Variants in TRIM24 observed in about 807,000 individuals in gnomAD.
TRIM24 encodes the protein transcription intermediary factor 1-alpha.
In TRIM24, 29 loss-of-function variants were observed where a neutral mutation model predicts 123.9. The observed-to-expected ratio is 0.23, with a 90% confidence interval of 0.17 to 0.32. The LOEUF (loss-of-function observed/expected upper bound fraction) is 0.32. TRIM24 is among the 10% of genes least tolerant of loss of function. The pLI is 1.00. For synonymous variants in TRIM24, 456 were observed against 461.1 expected (o/e 0.99, Z 0.14); for missense variants, 932 against 1,295.3 (o/e 0.72, Z 4.31).
intron 2 of TRIM24, among the ~76,000 whole-genome samples, chr7:138,512,028 G>A (rs571904920): frequency 6.6e-6 from 1 of 152,310 alleles, no homozygotes; most frequent in South Asian, 2.1e-4. Flanking sequence ...GCCAAAAGAA[G>A]GGGGCTGCAG....
chr7:138,462,313 G>A (rs1431256252), intron 1 of TRIM24, among the ~76,000 whole-genome samples: 1 of 151,802 alleles, frequency 6.6e-6, no homozygotes, highest in Non-Finnish European at 1.5e-5. Flanking sequence ...TGGGAACCTG[G>A]AGTTCTGAGA....
chr7:138,551,299 C>T (rs528156883), intron 8 of TRIM24, 119 bp downstream of exon 8: 7 of 863,504 alleles, frequency 8.1e-6, no homozygotes, highest in Non-Finnish European at 1.3e-5. Context: ...CATCTGTAAT[C>T]CTAGCACTTT....
In TRIM24 at chr7:138,579,380, A is replaced by ACCT. The variant is rs1442561091; in HGVS notation, c.2435_2437dup (p.Pro812dup). The stretch of plus-strand genomic sequence containing the variant: ...AATGGTTGGATCCTTCCCAGAAGTC[A>ACCT]CCTCTTCATGTTGGAGAGACAAGGA... On this transcript the variant is annotated inframe_insertion, in exon 15 of 19. Coordinates refer to ENST00000343526, the MANE Select transcript of TRIM24 (RefSeq NM_015905.3). 6.2e-7 allele frequency: 1 copy of ACCT among 1,614,122 alleles called. No individual in the cohort carries two copies.
At chr7:138,545,414 G>C in intron 7 of TRIM24, 1 of 456,752 alleles carries the variant, frequency 2.2e-6, no homozygotes, top group South Asian at 1.5e-5. Context: ...GAGTAAATAA[G>C]TAAATGGATT....
intron 6 of TRIM24, among the ~76,000 whole-genome samples, chr7:138,530,289 A>C (rs1796703440): frequency 6.6e-6 from 1 of 151,938 alleles, no homozygotes; most frequent in Admixed American, 6.6e-5. Flanking sequence ...ATCAAATATC[A>C]CTTTGATTTG....
At chr7:138,549,936 G>C (rs759315672) in intron 7 of TRIM24, among the ~76,000 whole-genome samples, 23 of 152,186 alleles carry the variant, frequency 1.5e-4, no homozygotes, top group Admixed American at 1.4e-3. Context: ...TGACTGAAAA[G>C]TGGTGGAAGT....
chr7:138,485,164 T>C (rs1795616527), intron 1 of TRIM24, among the ~76,000 whole-genome samples: 1 of 152,156 alleles, frequency 6.6e-6, no homozygotes, highest in South Asian at 2.1e-4. Flanking sequence ...TTTCCTTTTA[T>C]TTGGGAATAT....
intron 8 of TRIM24, 87 bp downstream of exon 8, chr7:138,551,267 T>G: frequency 8.3e-7 from 1 of 1,200,190 alleles, no homozygotes; most frequent in Non-Finnish European, 1.2e-6. Flanking sequence ...ATATGTTCAC[T>G]TAGGCTGGGC....
intron 10 of TRIM24, among the ~76,000 whole-genome samples, chr7:138,569,117 G>GTAGTCTT (rs1797600398): frequency 6.6e-6 from 1 of 152,130 alleles, no homozygotes; most frequent in Non-Finnish European, 1.5e-5. Flanking sequence ...TGGCACTTAC[G>GTAGTCTT]TAGTCTTTTC....
At chr7:138,547,432 A>G (rs1306729612) in intron 7 of TRIM24, among the ~76,000 whole-genome samples, 2 of 152,254 alleles carry the variant, frequency 1.3e-5, no homozygotes, top group African/African-American at 4.8e-5. Flanking sequence ...GAGGTAATAC[A>G]TAGATTAATT....
chr7:138,584,909 G>T lies in TRIM24; in HGVS notation c.3111G>T (p.Lys1037Asn). The T allele has an allele frequency of 6.2e-7, 1 of 1,613,270 alleles. No individual in the cohort carries two copies. Among genetic ancestry groups the T allele is most frequent in the South Asian group, 1.1e-5 (1 of 90,686 alleles). Residue 1037 changes from lysine to asparagine, a missense_variant, in exon 19 of 19, where the codon AAG (lysine) becomes AAT (asparagine). By Grantham distance (94) the Lys-to-Asn change is moderately conservative. Coordinates refer to ENST00000343526, the MANE Select transcript of TRIM24 (RefSeq NM_015905.3). ...ATGATGACTTTGTACAGCCCCGGAA[G>T]AAACGCCTCAAAAGCATTGAAGAAC... The part of the protein sequence containing the change: ...DSDDDFVQPR[K>N]KRLKSIEERQ...
intron 6 of TRIM24, 116 bp downstream of exon 6, chr7:138,529,346 T>G: frequency 1.9e-6 from 1 of 528,128 alleles, no homozygotes; most frequent in Admixed American, 4.3e-5. Flanking sequence ...TAATATTTTT[T>G]TTTCCCACTC....
chr7:138,567,873 T>G (rs1416725037), intron 10 of TRIM24, among the ~76,000 whole-genome samples: 1 of 152,148 alleles, frequency 6.6e-6, no homozygotes, highest in Non-Finnish European at 1.5e-5. Flanking sequence ...TCAATGACCA[T>G]AGGTATTAAT....
At chr7:138,571,158 C>T (rs770615547) in intron 11 of TRIM24, among the ~76,000 whole-genome samples, 155 bp downstream of exon 11, 2 of 152,046 alleles carry the variant, frequency 1.3e-5, no homozygotes, top group African/African-American at 2.4e-5. Flanking sequence ...GGTGAAACCC[C>T]GTCTCTACCA....
At chr7:138,473,074 G>T (rs542295950) in intron 1 of TRIM24, among the ~76,000 whole-genome samples, 1 of 152,286 alleles carries the variant, frequency 6.6e-6, no homozygotes, top group Admixed American at 6.5e-5. Flanking sequence ...GAGGTCAGGA[G>T]TTCGAGACCA....
chr7:138,550,952 A>G (rs556740591), intron 7 of TRIM24, 111 bp from the exon 8 acceptor site: 3 of 832,162 alleles, frequency 3.6e-6, no homozygotes, highest in African/African-American at 1.7e-5. Flanking sequence ...AAACCTATAT[A>G]TGATTGTTTA....
chr7:138,577,758 A>G (rs1797792504), intron 14 of TRIM24, among the ~76,000 whole-genome samples, 170 bp downstream of exon 14: 1 of 152,192 alleles, frequency 6.6e-6, no homozygotes, highest in African/African-American at 2.4e-5. Flanking sequence ...GAAAAACAGG[A>G]AAGTTTTTAA....
At chr7:138,504,443 A>C in intron 2 of TRIM24, 35 bp downstream of exon 2, 2 of 641,474 alleles carry the variant, frequency 3.1e-6, no homozygotes, top group East Asian at 4.0e-5. Context: ...TTTGCCTGCC[A>C]GCTCTTTTTT....
At chr7:138,508,945 A>G (rs145385739) in intron 2 of TRIM24, among the ~76,000 whole-genome samples, 301 of 152,054 alleles carry the variant, frequency 2.0e-3, no homozygotes, top group Non-Finnish European at 3.3e-3. Flanking sequence ...ATGATCTAAC[A>G]GAGACTTTAT....
Sources: allele counts gnomAD v4.1 joint callset (sites outside exome capture counted in the v4.1 genomes callset), GRCh38; gene constraint gnomAD v4.1.1; transcripts MANE v1.5; gene names NCBI Gene and HGNC (gene_info 2026-07-23, HGNC 2026-07-21).